The following NPLOC4 variants were observed in gnomAD, a reference collection of about 807,000 sequenced individuals.
The protein encoded by NPLOC4 is nuclear protein localization protein 4 homolog.
In NPLOC4, 18 loss-of-function variants were observed where a neutral mutation model predicts 80.6. The ratio of observed to expected loss-of-function variants is 0.22; its 90% CI spans 0.15 to 0.33. NPLOC4 has a LOEUF of 0.33. NPLOC4 is among the 10% of genes least tolerant of loss of function. The probability of loss-of-function intolerance (pLI) is 1.00; values close to 1 mark genes in which losing one functional copy is unlikely to be tolerated. For synonymous variants in NPLOC4, 313 were observed against 301.5 expected, an observed-to-expected ratio of 1.04 and a Z score of -0.39; for missense variants, 540 against 786.1, an observed-to-expected ratio of 0.69 and a Z score of 3.74.
At position 81,559,157 on chromosome 17, in the gene NPLOC4, G is replaced by T. The variant is rs890377838; in HGVS notation, c.*102C>A. ...ACAGCCAGCCCCTTGTTCCTCCAGG[G>T]CTGCCCACTATGGGGCAGTTACAGG... On this transcript the variant is annotated 3_prime_UTR_variant, in exon 17 of 17. Transcript: ENST00000331134. The T allele has an allele frequency of 7.6e-7, 1 of 1,313,834 alleles. No homozygotes were observed. The highest frequency in any genetic ancestry group is 1.0e-6 in the Non-Finnish European group (1 of 976,970). 81.4% of individuals were successfully genotyped at this position (1,313,834 alleles called of 1,614,324 possible).
Position 81,618,486 on chromosome 17 carries a change from G to GC in NPLOC4, c.209+3679_209+3680insG, listed in dbSNP as rs1344408375. Among the ~76,000 whole-genome samples, 35 of 75,226 alleles carry GC rather than the reference G, an allele frequency of 4.7e-4. 4 individuals carry two copies. The highest frequency in any genetic ancestry group is 4.2e-3 in the Admixed American group (31 of 7,378). The allele number at this position is 75,226 out of a possible 152,430, so 49.4% of individuals were successfully genotyped here. A position where few individuals can be genotyped will look rare whatever the true frequency, so the allele number is the denominator to read the frequency against. ...CAGCCACCCCGTCCGGGAGGAAGGT[G>GC]GGGGGTCAGCGACCCCGCCCGGCCA... On this transcript the variant is annotated intron_variant, in intron 3 of 16. Transcript: ENST00000331134.
intron 13 of NPLOC4, among the ~76,000 whole-genome samples, chr17:81,570,304 C>G (rs371263349): frequency 6.6e-6 from 1 of 152,242 alleles, no homozygotes. Flanking sequence ...GAGTACTCGC[C>G]TCCTGGGTGC....
intron 3 of NPLOC4, among the ~76,000 whole-genome samples, chr17:81,621,080 T>C (rs1374600589): frequency 7.2e-6 from 1 of 138,776 alleles, no homozygotes; most frequent in Non-Finnish European, 1.6e-5. Context: ...AGTATCAAGA[T>C]GCAAAACCCT....
chr17:81,611,069 C>T (rs1250341160), intron 4 of NPLOC4, among the ~76,000 whole-genome samples: 1 of 152,044 alleles, frequency 6.6e-6, no homozygotes, highest in Non-Finnish European at 1.5e-5. Flanking sequence ...CCTCTAATCC[C>T]AACACTTTGG....
At chr17:81,610,014 A>T (rs2144240197) in intron 5 of NPLOC4, among the ~76,000 whole-genome samples, 196 bp downstream of exon 5, 1 of 152,312 alleles carries the variant, frequency 6.6e-6, no homozygotes, top group East Asian at 1.9e-4. Context: ...TCCAGCGAGA[A>T]GGTCACTCCC....
In NPLOC4 at chr17:81,631,436, ATTTTTTTTTTTTTT is replaced by A. The variant is rs70938164; in HGVS notation, c.16-1645_16-1632del. 2.9e-4 allele frequency among the ~76,000 whole-genome samples: 34 copies of A among 117,050 alleles called. 4 individuals are homozygous for A. Among genetic ancestry groups the A allele is most frequent in the African/African-American group, 7.2e-4 (23 of 32,062 alleles). The allele number at this position is 117,050 out of a possible 152,430, so 76.8% of individuals were successfully genotyped here. Reference sequence around the variant, plus strand: ...TTAAAGTGTACATATATATATATATATTTTTTTTTTTTTTTTTTTTTTTTTTCCCCCACGGCAAG... The same window carrying A: ...TTAAAGTGTACATATATATATATATATTTTTTTTTTTTCCCCCACGGCAAG... On this transcript the variant is annotated intron_variant, in intron 1 of 16. Transcript: ENST00000331134.
intron 9 of NPLOC4, among the ~76,000 whole-genome samples, chr17:81,597,740 G>A (rs1168035975): frequency 7.0e-6 from 1 of 142,256 alleles, no homozygotes; most frequent in East Asian, 2.1e-4. Context: ...CCAGGATCGC[G>A]CCATTGCACT....
chr17:81,569,927 T>C (rs1010893427), intron 13 of NPLOC4, among the ~76,000 whole-genome samples: 1 of 152,228 alleles, frequency 6.6e-6, no homozygotes, highest in African/African-American at 2.4e-5. Context: ...CCGAGTTGAG[T>C]TGATGCTGCT....
intron 13 of NPLOC4, among the ~76,000 whole-genome samples, chr17:81,569,763 C>A (rs1378860810): frequency 1.3e-5 from 2 of 152,204 alleles, no homozygotes; most frequent in Non-Finnish European, 2.9e-5. Context: ...GTCCTTCAGT[C>A]CTTCACTGGC....
In NPLOC4 at chr17:81,629,759, G is replaced by T; in HGVS notation, c.62C>A (p.Thr21Lys). The T allele has an allele frequency of 6.2e-7, 1 of 1,613,868 alleles. No homozygotes were observed. The highest frequency in any genetic ancestry group is 8.5e-7 in the Non-Finnish European group (1 of 1,179,828). ...AAATGTTGCTGCTGTTTCTCTCTTT[G>T]TTGCTGTGATCCGCTTCACTCCATC... ...SPDGVKRITA[T>K]KRETAATFLK... Residue 21 changes from threonine (T) to lysine (K), a missense_variant, in exon 2 of 17, where the codon ACA becomes AAA. Physicochemically the swap from Thr to Lys is moderately conservative, Grantham distance 78 (BLOSUM62 -1). Transcript: ENST00000331134.
intron 2 of NPLOC4, among the ~76,000 whole-genome samples, chr17:81,627,867 C>T (rs1336531853): frequency 5.3e-5 from 8 of 151,946 alleles, no homozygotes; most frequent in South Asian, 2.1e-4. Context: ...ACCCAGGAGG[C>T]GGAGGTTGCA....
At position 81,613,464 on chromosome 17, in the gene NPLOC4, C is replaced by G. The variant is rs369798780; in HGVS notation, c.240G>C (p.Ser80=). ...KHGDLLFLFP[S]SLAGPSSEME... ...TTTCAGATGAGGGCCCAGCAAGGCT[C>G]GAGGGAAACAGGAACAACAAATCGC... The change falls in exon 4 of 17, where the codon TCG becomes TCC. Residue 80 remains serine (S), a synonymous_variant. Transcript: ENST00000331134. 6.2e-7 allele frequency: 1 copy of G among 1,613,788 alleles called. No individual in the cohort carries two copies. Among genetic ancestry groups the G allele is most frequent in the Non-Finnish European group, 8.5e-7 (1 of 1,179,850 alleles).
At chr17:81,603,781 T>C (rs893027921) in intron 8 of NPLOC4, among the ~76,000 whole-genome samples, 11 of 152,220 alleles carry the variant, frequency 7.2e-5, no homozygotes, top group African/African-American at 2.4e-4. Flanking sequence ...CAGACATAAA[T>C]GTACTTCTCC....
At position 81,624,610 on chromosome 17, in the gene NPLOC4, AC is replaced by A. The variant is rs200552698; in HGVS notation, c.97-2333del. 2.3e-3 allele frequency among the ~76,000 whole-genome samples: 348 copies of A among 152,084 alleles called. 5 individuals carry two copies. Among genetic ancestry groups the A allele is most frequent in the African/African-American group, 8.0e-3 (333 of 41,500 alleles). ...AAGACTCCACCTCAAAAAAAGAAAA[AC>A]AAAAAAAAGACAAGGTTCCTGCTGT... On this transcript the variant is annotated intron_variant, in intron 2 of 16. Coordinates refer to ENST00000331134, the MANE Select transcript of NPLOC4 (RefSeq NM_017921.4).
intron 14 of NPLOC4, 79 bp downstream of exon 14, chr17:81,568,937 T>C: frequency 1.0e-6 from 1 of 977,590 alleles, no homozygotes. Flanking sequence ...AAGCTTGATG[T>C]TTTCTGGAAA....
chr17:81,627,139 C>T (rs574554480), intron 2 of NPLOC4, among the ~76,000 whole-genome samples: 352 of 151,978 alleles, frequency 2.3e-3, no homozygotes, highest in Non-Finnish European at 4.0e-3. Flanking sequence ...TCTTGTAATC[C>T]CGGCACATTG....
chr17:81,582,099 G>C (rs1331273368), intron 12 of NPLOC4, among the ~76,000 whole-genome samples: 2 of 152,208 alleles, frequency 1.3e-5, no homozygotes, highest in Non-Finnish European at 2.9e-5. Context: ...AGAAAACATG[G>C]AGCATAGACA....
Position 81,622,163 on chromosome 17 carries a change from T to C in NPLOC4, c.209+3A>G. The C allele has an allele frequency of 1.9e-6, 3 of 1,600,740 alleles. No homozygotes were observed. The highest frequency in any genetic ancestry group is 2.6e-6 in the Non-Finnish European group (3 of 1,168,030). ...CCCTGCTTCCTCCTCAGAGGACACT[T>C]ACTTGATTTTTAGCAAGTTGAGGGA... On this transcript the variant is annotated splice_donor_region_variant and intron_variant, in intron 3 of 16. Transcript: ENST00000331134.
chr17:81,615,101 T>TTTCTTTC (rs72062777), intron 3 of NPLOC4, among the ~76,000 whole-genome samples: 2 of 33,332 alleles, frequency 6.0e-5, no homozygotes, highest in Admixed American at 4.4e-4. Flanking sequence ...CGTCTGTTTC[T>TTTCTTTC]TTTTTTTTTT....
Sources: allele counts gnomAD v4.1 joint callset (sites outside exome capture counted in the v4.1 genomes callset), GRCh38; gene constraint gnomAD v4.1.1; transcripts MANE v1.5; gene names NCBI Gene and HGNC (gene_info 2026-07-23, HGNC 2026-07-21).